BEGAIN: variants seen among roughly 807,000 people sequenced by gnomAD.
BEGAIN encodes brain-enriched guanylate kinase-associated protein.
BEGAIN carries 19 observed loss-of-function variants against 35.8 expected under a neutral mutation model. The ratio of observed to expected loss-of-function variants is 0.53; its 90% CI spans 0.37 to 0.78. The LOEUF (loss-of-function observed/expected upper bound fraction) is 0.78. BEGAIN is among the 30% of genes least tolerant of loss of function. The pLI is 0.00. For synonymous variants in BEGAIN, 462 were observed against 388.6 expected, an observed-to-expected ratio of 1.19 and a Z score of -2.22; for missense variants, 795 against 853.6, an observed-to-expected ratio of 0.93 and a Z score of 0.85.
At chr14:100,570,748 G>T (rs1595147223) in intron 1 of BEGAIN, among the ~76,000 whole-genome samples, 1 of 151,922 alleles carries the variant, frequency 6.6e-6, no homozygotes, top group African/African-American at 2.4e-5. Flanking sequence ...CTCCCATGAG[G>T]CTCCTGCACG....
intron 1 of BEGAIN, among the ~76,000 whole-genome samples, chr14:100,576,894 A>G (rs1420067650): frequency 6.6e-6 from 1 of 152,210 alleles, no homozygotes; most frequent in African/African-American, 2.4e-5. Flanking sequence ...GTCACCCGGG[A>G]CAAGTGGCAG....
At chr14:100,583,618 C>T (rs145513948) in intron 1 of BEGAIN, among the ~76,000 whole-genome samples, 2 of 151,564 alleles carry the variant, frequency 1.3e-5, no homozygotes, top group African/African-American at 4.8e-5. Flanking sequence ...TCCCGTCCAT[C>T]TATCCCTCTT....
In BEGAIN at chr14:100,539,230, T is replaced by A; in HGVS notation, c.578A>T (p.Tyr193Phe). The A allele has an allele frequency of 1.3e-6, 2 of 1,588,598 alleles. No homozygotes were observed. The highest frequency in any genetic ancestry group is 1.7e-6 in the Non-Finnish European group (2 of 1,166,980). ...SLPSPLCHPA[Y>F]ADSVPTCVIA... ...GACGCAGGTGGGGACGCTGTCGGCG[T>A]AGGCCGGGTGGCAGAGCGGGGATGG... Residue 193 changes from tyrosine to phenylalanine, a missense_variant, in exon 7 of 7, where the codon TAC becomes TTC. Tyr to Phe is a conservative substitution (Grantham distance 22). This residue lies in a region of BEGAIN where 664 missense variants were observed against 647.7 expected (regional missense o/e 1.03). Coordinates refer to ENST00000554140, the MANE Select transcript of BEGAIN (RefSeq NM_001385089.1).
chr14:100,544,092 G>T (rs891025862), intron 4 of BEGAIN, 127 bp from the exon 5 acceptor site: 6 of 662,584 alleles, frequency 9.1e-6, no homozygotes, highest in Non-Finnish European at 1.6e-5. Context: ...AGGGCCAAGG[G>T]TGTGGGGTTT....
intron 1 of BEGAIN, among the ~76,000 whole-genome samples, chr14:100,579,139 G>A (rs762247554): frequency 2.6e-5 from 4 of 152,190 alleles, no homozygotes; most frequent in African/African-American, 4.8e-5. Context: ...GGGATTATAG[G>A]CGTGAGCCAC....
At chr14:100,540,295 G>A (rs1479066840) in intron 6 of BEGAIN, 5 of 588,556 alleles carry the variant, frequency 8.5e-6, no homozygotes, top group Non-Finnish European at 9.1e-6. Flanking sequence ...GAGGGCCAGG[G>A]GCTGCCCGGC....
In BEGAIN at chr14:100,567,484, G is replaced by T. The variant is rs1477427459; in HGVS notation, c.71+427C>A. Among the ~76,000 whole-genome samples, 2 of 152,084 alleles carry T rather than the reference G, an allele frequency of 1.3e-5. No homozygotes were observed. Among genetic ancestry groups the T allele is most frequent in the African/African-American group, 4.8e-5 (2 of 41,430 alleles). ...CAGGCAACTGGCAGCCCGGGGGCTG[G>T]GGCGGGTGGTGGTTGGGGGTGGGGT... On this transcript the variant is annotated intron_variant, in intron 2 of 6. Coordinates refer to ENST00000554140, the MANE Select transcript of BEGAIN (RefSeq NM_001385089.1). The surrounding 1 kb of genome is among the most constrained non-coding windows in gnomAD (Gnocchi z 5.1).
chr14:100,551,011 G>A (rs1244619021), intron 2 of BEGAIN, among the ~76,000 whole-genome samples: 1 of 152,156 alleles, frequency 6.6e-6, no homozygotes, highest in Non-Finnish European at 1.5e-5. Context: ...TGCATCTGTC[G>A]GGTGCCTGCC....
At chr14:100,583,983 G>A (rs999568235) in intron 1 of BEGAIN, among the ~76,000 whole-genome samples, 2 of 152,204 alleles carry the variant, frequency 1.3e-5, no homozygotes, top group African/African-American at 2.4e-5. Flanking sequence ...ACAGGCGTGA[G>A]CCGCTGCGCC....
intron 1 of BEGAIN, among the ~76,000 whole-genome samples, chr14:100,572,019 G>A (rs1416109829): frequency 6.6e-6 from 1 of 152,190 alleles, no homozygotes; most frequent in African/African-American, 2.4e-5. Flanking sequence ...TGGCCTGAAC[G>A]AATGCAGTGC....
intron 2 of BEGAIN, chr14:100,547,522 G>T (rs1191500896): frequency 6.6e-6 from 1 of 152,300 alleles, no homozygotes; most frequent in African/African-American, 2.4e-5. Flanking sequence ...GCAAAGGCAG[G>T]AGGGTAGTGT....
Position 100,546,741 on chromosome 14 carries a change from G to A in BEGAIN, c.72-79C>T, listed in dbSNP as rs1254272083. The A allele has an allele frequency of 5.7e-6, 8 of 1,395,076 alleles. No individual in the cohort carries two copies. In the African/African-American group the frequency reaches 6.0e-5, roughly 10 times the overall value. 86.4% of individuals were successfully genotyped at this position (1,395,076 alleles called of 1,614,324 possible). A position where few individuals can be genotyped will look rare whatever the true frequency, so the allele number is the denominator to read the frequency against. On this transcript the variant is annotated intron_variant, in intron 2 of 6. Transcript: ENST00000554140. ...AAGGCCCGCAGGCCAGCCGGGGCGTGCCGCACTAACACGCGAGTACCGGCG... is the reference window on the plus strand; with the variant it reads ...AAGGCCCGCAGGCCAGCCGGGGCGTACCGCACTAACACGCGAGTACCGGCG...
intron 1 of BEGAIN, among the ~76,000 whole-genome samples, chr14:100,576,598 A>G (rs1333177467): frequency 6.6e-6 from 1 of 152,086 alleles, no homozygotes; most frequent in African/African-American, 2.4e-5. Context: ...GTGTTGGGAG[A>G]AGGTGGAACT....
At chr14:100,555,035 T>C (rs2033574104) in intron 2 of BEGAIN, among the ~76,000 whole-genome samples, 1 of 152,246 alleles carries the variant, frequency 6.6e-6, no homozygotes, top group Non-Finnish European at 1.5e-5. Flanking sequence ...ATATCAGCCC[T>C]GGGAGAAGGT....
At position 100,573,227 on chromosome 14, in the gene BEGAIN, G is replaced by A. The variant is rs1420810252; in HGVS notation, c.43-5288C>T. On this transcript the variant is annotated intron_variant, in intron 1 of 6. Transcript: ENST00000554140. This position sits in a 1 kb window ranked among gnomAD's most constrained non-coding sequence, Gnocchi z 4.2. ...GAGGGGGCTGGTGAGTCTGGGGGGA[G>A]GGGCTTCCGGAGGAGGGGGCTGGTG... Among the ~76,000 whole-genome samples the A allele has an allele frequency of 1.5e-5, 2 of 135,338 alleles. No individual in the cohort carries two copies. The highest frequency in any genetic ancestry group is 2.4e-4 in the East Asian group (1 of 4,170). 88.8% of individuals were successfully genotyped at this position (135,338 alleles called of 152,430 possible).
At chr14:100,552,118 A>AG (rs1883518528) in intron 2 of BEGAIN, among the ~76,000 whole-genome samples, 1 of 152,070 alleles carries the variant, frequency 6.6e-6, no homozygotes, top group South Asian at 2.1e-4. Flanking sequence ...TCCCATCTGT[A>AG]GGGGGCCTTA....
chr14:100,538,639 G>A lies in BEGAIN; in HGVS notation c.1169C>T (p.Thr390Ile), dbSNP rs1184909684. 1.3e-6 allele frequency: 2 copies of A among 1,549,842 alleles called. No individual in the cohort carries two copies. The highest frequency in any genetic ancestry group is 2.4e-5 in the South Asian group (2 of 84,096). The change falls in exon 7 of 7, where the codon ACC (threonine) becomes ATC (isoleucine). Residue 390 changes from threonine to isoleucine, a missense_variant. Coordinates refer to ENST00000554140, the MANE Select transcript of BEGAIN (RefSeq NM_001385089.1). ...GGTCTCGGCCGGGTACGGTGACATG[G>A]TCCGCCCGAAGCCTGGGGCCACTTC... ...EAEVAPGFGR[T>I]MSPYPAETFR...
Position 100,539,007 on chromosome 14 carries a change from G to A in BEGAIN, c.801C>T (p.Asp267=), listed in dbSNP as rs968971898. The change falls in exon 7 of 7, where the codon GAC becomes GAT. Residue 267 remains aspartate, a synonymous_variant. Transcript: ENST00000554140. Reference sequence around the variant, plus strand: ...GGAAGCCCACGTCGGTCACGGGCGCGTCCACGCTAGGCCGCCGGTCTCGCC... The same window carrying A: ...GGAAGCCCACGTCGGTCACGGGCGCATCCACGCTAGGCCGCCGGTCTCGCC... The part of the protein sequence containing the change: ...ERRRDRRPSV[D]APVTDVGFLR... The A allele has an allele frequency of 8.7e-6, 14 of 1,610,602 alleles. No homozygotes were observed. The highest frequency in any genetic ancestry group is 1.6e-4 in the Middle Eastern group (1 of 6,078).
At chr14:100,542,063 A>G (rs1595108364) in intron 5 of BEGAIN, among the ~76,000 whole-genome samples, 1 of 152,174 alleles carries the variant, frequency 6.6e-6, no homozygotes, top group African/African-American at 2.4e-5. Flanking sequence ...CCCCAGGACT[A>G]GTGTCCACTT....
Sources: gnomAD v4.1 joint callset for allele counts (sites outside exome capture counted in the v4.1 genomes callset) on GRCh38, gnomAD v4.1.1 for gene constraint, gnomAD v4.1.1 regional missense constraint, Gnocchi (gnomAD v3.1) non-coding constraint, MANE v1.5 for transcripts, NCBI Gene and HGNC (gene_info 2026-07-23, HGNC 2026-07-21) for gene names.